The following HIVEP3 variants were observed in gnomAD, a reference collection of about 807,000 sequenced individuals.
HIVEP3 encodes transcription factor HIVEP3.
Under a neutral mutation model 152.8 loss-of-function variants are expected in HIVEP3, and 49 were observed. The ratio of observed to expected loss-of-function variants is 0.32; its 90% CI spans 0.26 to 0.41. The LOEUF is 0.41. HIVEP3 is among the 10% of genes least tolerant of loss of function. HIVEP3 has a pLI of 1.00. For missense variants in HIVEP3, 2,790 were observed against 3,103.3 expected (o/e 0.90, Z 2.40); for synonymous variants, 1,269 against 1,289.0 (o/e 0.98, Z 0.33).
At chr1:41,817,965 C>T (rs1642461333) in intron 1 of HIVEP3, among the ~76,000 whole-genome samples, 1 of 152,152 alleles carries the variant, frequency 6.6e-6, no homozygotes, top group Non-Finnish European at 1.5e-5. Flanking sequence ...CTGATTCCAC[C>T]CTCTTGAGCT....
At chr1:42,032,410 G>A (rs1354350195) in intron 1 of HIVEP3, among the ~76,000 whole-genome samples, 4 of 152,208 alleles carry the variant, frequency 2.6e-5, no homozygotes. Context: ...GTCACAAGCT[G>A]CAACACCCGT....
chr1:41,837,023 A>G (rs1415667898), intron 1 of HIVEP3, among the ~76,000 whole-genome samples: 1 of 152,196 alleles, frequency 6.6e-6, no homozygotes, highest in Non-Finnish European at 1.5e-5. Flanking sequence ...AAAGCCTACA[A>G]GAGCCTATAG....
chr1:41,644,771 A>G (rs1645434428), intron 2 of HIVEP3, among the ~76,000 whole-genome samples: 1 of 128,442 alleles, frequency 7.8e-6, no homozygotes, highest in African/African-American at 2.9e-5. Context: ...TTGCAGAGTG[A>G]GGCTCAGGGA....
chr1:41,580,608 C>T lies in HIVEP3; in HGVS notation c.4190G>A (p.Arg1397Lys), dbSNP rs1644387813. 2.5e-6 allele frequency: 4 copies of T among 1,614,146 alleles called. No individual in the cohort carries two copies. Among genetic ancestry groups the T allele is most frequent in the Non-Finnish European group, 3.4e-6 (4 of 1,180,034 alleles). ...QSRAFPTPYL[R>K]VPVTLPERKG... ...TCTTTCAGGTAATGTCACAGGCACT[C>T]TCAGGTATGGAGTTGGGAAAGCTCT... Residue 1397 changes from arginine (R) to lysine (K), a missense_variant, in exon 4 of 9, where the codon AGA (arginine) becomes AAA (lysine). This residue lies in a region of HIVEP3 where 1,078 missense variants were observed against 1,165.3 expected (regional missense o/e 0.93). Transcript: ENST00000372583.
chr1:41,824,913 G>C (rs959468535), intron 1 of HIVEP3, among the ~76,000 whole-genome samples: 82 of 151,060 alleles, frequency 5.4e-4, no homozygotes, highest in South Asian at 8.4e-4. Flanking sequence ...TGCTCTTGTT[G>C]CACAGGCTGG....
At chr1:41,960,647 T>C (rs1645164868) in intron 1 of HIVEP3, among the ~76,000 whole-genome samples, 1 of 152,192 alleles carries the variant, frequency 6.6e-6, no homozygotes, top group Non-Finnish European at 1.5e-5. Context: ...TGTTGGAGGT[T>C]TTTCCTAAGA....
chr1:41,511,346 G>A lies in HIVEP3; in HGVS notation c.6406-80C>T, dbSNP rs370110046. On this transcript the variant is annotated intron_variant, in intron 8 of 8. Coordinates refer to ENST00000372583, the MANE Select transcript of HIVEP3 (RefSeq NM_024503.5). The surrounding 1 kb of genome is among the most constrained non-coding windows in gnomAD (Gnocchi z 4.9). ...GGAGCCGAGGCCTGGAAGTGGGAGG[G>A]GGACTCGCCCAAGATCACAGAGCGA... The A allele has an allele frequency of 2.4e-6, 3 of 1,272,448 alleles. No homozygotes were observed. Among genetic ancestry groups the A allele is most frequent in the Non-Finnish European group, 1.1e-6 (1 of 935,746 alleles). The allele number at this position is 1,272,448 out of a possible 1,614,324, so 78.8% of individuals were successfully genotyped here.
intron 1 of HIVEP3, among the ~76,000 whole-genome samples, chr1:41,889,675 C>T (rs538660728): frequency 9.9e-5 from 15 of 152,220 alleles, no homozygotes; most frequent in Non-Finnish European, 1.9e-4. Flanking sequence ...TAGTGTGTAT[C>T]GATGGAGAGG....
chr1:41,524,730 C>G lies in HIVEP3; in HGVS notation c.5383+5G>C. 1.2e-6 allele frequency: 2 copies of G among 1,613,446 alleles called. No homozygotes were observed. The highest frequency in any genetic ancestry group is 1.1e-5 in the South Asian group (1 of 91,046). On this transcript the variant is annotated splice_donor_5th_base_variant and intron_variant, in intron 6 of 8. Transcript: ENST00000372583. ...GGGGCAGTGCCCCAGCTGACTCTCT[C>G]TTACCTTTGGTTTTAAAAGCAAAGT...
intron 5 of HIVEP3, 49 bp downstream of exon 5, chr1:41,575,495 A>C: frequency 6.3e-7 from 1 of 1,596,394 alleles, no homozygotes; most frequent in Non-Finnish European, 8.6e-7. Context: ...AATGGGCACC[A>C]GCTCTTATTC....
intron 1 of HIVEP3, among the ~76,000 whole-genome samples, chr1:42,023,931 C>A (rs7535305): frequency 0.68 from 103,268 of 152,010 alleles, 35,707 homozygotes; most frequent in East Asian, 0.95. Flanking sequence ...GGAAAGTTTA[C>A]CCTTTATCTG....
rs1156912280 is a variant in HIVEP3 at position 41,581,446 on chromosome 1, T to C, written c.3352A>G (p.Thr1118Ala). 7.6e-6 allele frequency: 12 copies of C among 1,585,560 alleles called. No homozygotes were observed. Among genetic ancestry groups the C allele is most frequent in the Non-Finnish European group, 9.4e-6 (11 of 1,166,408 alleles). Residue 1118 changes from threonine (T) to alanine (A), a missense_variant, in exon 4 of 9, where the codon ACA becomes GCA. Thr to Ala is a moderately conservative substitution (Grantham distance 58). Coordinates refer to ENST00000372583, the MANE Select transcript of HIVEP3 (RefSeq NM_024503.5). This position sits in a 1 kb window ranked among gnomAD's most constrained non-coding sequence, Gnocchi z 4.5. ...RPPLGPTVPY[T>A]EALQVFHHPV... ...TGGTGGAACACTTGCAGTGCTTCTGTGTAGGGCACAGTGGGCCCCAATGGG... is the reference window on the plus strand; with the variant it reads ...TGGTGGAACACTTGCAGTGCTTCTGCGTAGGGCACAGTGGGCCCCAATGGG...
chr1:41,958,271 T>C (rs1430691028), intron 1 of HIVEP3, among the ~76,000 whole-genome samples: 13 of 152,212 alleles, frequency 8.5e-5, no homozygotes, highest in Admixed American at 8.5e-4. Flanking sequence ...TGTGGTGCCT[T>C]GGGCATGCTC....
At chr1:41,952,954 T>A (rs1478351150) in intron 1 of HIVEP3, among the ~76,000 whole-genome samples, 1 of 152,164 alleles carries the variant, frequency 6.6e-6, no homozygotes, top group Non-Finnish European at 1.5e-5. Context: ...AGCAATCGAC[T>A]CAAAGCCCTT....
intron 2 of HIVEP3, among the ~76,000 whole-genome samples, chr1:41,631,857 ACT>A (rs1645200223): frequency 6.6e-6 from 1 of 152,056 alleles, no homozygotes; most frequent in Non-Finnish European, 1.5e-5. Context: ...GTGTAGAAAC[ACT>A]CACTTCTCAG....
chr1:41,720,020 T>C (rs1646652348), intron 1 of HIVEP3, among the ~76,000 whole-genome samples: 1 of 152,202 alleles, frequency 6.6e-6, no homozygotes, highest in South Asian at 2.1e-4. Context: ...GGACTCAAAC[T>C]GTGGAGCGGG....
rs1243117440 is a variant in HIVEP3, at chr1:41,513,623, A to C, written c.5598T>G (p.Asp1866Glu). The C allele has an allele frequency of 1.2e-6, 2 of 1,613,830 alleles. No homozygotes were observed. The highest frequency in any genetic ancestry group is 3.3e-5 in the Admixed American group (2 of 60,024). ...DSDLDEDEDE[D>E]EEESQDELSR... ...ACAGCTCATCCTGGCTCTCCTCCTC[A>C]TCCTCATCCTCGTCTTCGTCCAGGT... is the stretch of plus-strand genomic sequence containing the variant. The change falls in exon 8 of 9, where the codon GAT (aspartate) becomes GAG (glutamate). Residue 1866 changes from aspartate (D) to glutamate (E), a missense_variant. Coordinates refer to ENST00000372583, the MANE Select transcript of HIVEP3 (RefSeq NM_024503.5).
intron 5 of HIVEP3, among the ~76,000 whole-genome samples, chr1:41,559,282 C>T (rs938532247): frequency 4.6e-5 from 7 of 152,156 alleles, no homozygotes; most frequent in Admixed American, 4.6e-4. Flanking sequence ...TCTTCTGAGT[C>T]GTGCTGTATT....
At chr1:41,647,480 G>A (rs558462685) in intron 2 of HIVEP3, among the ~76,000 whole-genome samples, 55 of 152,368 alleles carry the variant, frequency 3.6e-4, no homozygotes, top group Non-Finnish European at 3.1e-4. Flanking sequence ...AGCAGAGCCA[G>A]AAATAACCCC....
Sources: gnomAD v4.1 joint callset for allele counts (sites outside exome capture counted in the v4.1 genomes callset) on GRCh38, gnomAD v4.1.1 for gene constraint, gnomAD v4.1.1 regional missense constraint, Gnocchi (gnomAD v3.1) non-coding constraint, MANE v1.5 for transcripts, NCBI Gene and HGNC (gene_info 2026-07-23, HGNC 2026-07-21) for gene names.